RMC1: variants seen among roughly 807,000 people sequenced by gnomAD.
RMC1 encodes regulator of MON1-CCZ1 complex.
RMC1 carries 44 observed loss-of-function variants against 95.5 expected under a neutral mutation model. The observed-to-expected ratio is 0.46, with a 90% CI of 0.36 to 0.59. RMC1 has a LOEUF of 0.59. Among genes scored for constraint, RMC1 ranks in the 20% least tolerant of loss-of-function variants. The pLI, the probability that RMC1 is intolerant of heterozygous loss-of-function variation, is 0.00. For synonymous variants in RMC1, 320 were observed against 303.6 expected (o/e 1.05, Z -0.56); for missense variants, 705 against 819.6 (o/e 0.86, Z 1.71).
At chr18:23,516,727 CT>C (rs35162212) in intron 7 of RMC1, among the ~76,000 whole-genome samples, 38 of 73,918 alleles carry the variant, frequency 5.1e-4, no homozygotes, top group Middle Eastern at 5.0e-3. Flanking sequence ...ATTTCTTCTT[CT>C]TTTTTTTTTT....
intron 4 of RMC1, chr18:23,508,514 G>A (rs2057769310): frequency 6.5e-6 from 1 of 152,672 alleles, no homozygotes. Flanking sequence ...ACATTAATGA[G>A]ATTTGCTGGG....
In RMC1 at chr18:23,503,556, C is replaced by T. The variant is rs1348698737; in HGVS notation, c.-63C>T. 2.4e-6 allele frequency: 3 copies of T among 1,266,898 alleles called. No homozygotes were observed. In the African/African-American group the frequency reaches 4.7e-5, roughly 20 times the overall value. The allele number at this position is 1,266,898 out of a possible 1,614,324, so 78.5% of individuals were successfully genotyped here. ...CGCTACAGTCCGGGCCGGGCTCCAC[C>T]GCGCATCCTGCTCCACTCTGGCGAC... is the stretch of plus-strand genomic sequence containing the variant. On this transcript the variant is annotated 5_prime_UTR_variant, in exon 1 of 20. Transcript: ENST00000269221.
At chr18:23,509,030 CAG>C (rs2057781865) in intron 4 of RMC1, among the ~76,000 whole-genome samples, 161 bp from the exon 5 acceptor site, 1 of 152,098 alleles carries the variant, frequency 6.6e-6, no homozygotes, top group African/African-American at 2.4e-5. Flanking sequence ...GGGCAAAAAT[CAG>C]GGAACATTGT....
rs527584310 is a variant in RMC1 at position 23,503,680 on chromosome 18, A to G, written c.62A>G (p.Asn21Ser). The G allele has an allele frequency of 5.0e-6, 8 of 1,593,596 alleles. No individual in the cohort carries two copies. In the East Asian group the frequency reaches 1.7e-4, roughly 33 times the overall value. Residue 21 changes from asparagine (N) to serine (S), a missense_variant, in exon 1 of 20, where the codon AAC becomes AGC. By Grantham distance (46) the Asn-to-Ser change is conservative. Transcript: ENST00000269221. ...CGGCCGGTGCAGTTCGAGAAGGCGA[A>G]CCCTGTCAACTGCGTCTTCTTCGAT... ...CERPVQFEKA[N>S]PVNCVFFDEA...
chr18:23,515,575 C>G (rs1429905857), intron 5 of RMC1, among the ~76,000 whole-genome samples: 4 of 152,214 alleles, frequency 2.6e-5, no homozygotes, highest in Non-Finnish European at 5.9e-5. Flanking sequence ...GTCACTCACG[C>G]TGGAGTGTGA....
chr18:23,504,251 C>T (rs772778063), intron 1 of RMC1, 120 bp from the exon 2 acceptor site: 377 of 779,334 alleles, frequency 4.8e-4, no homozygotes, highest in Non-Finnish European at 7.6e-4. Context: ...TTGATATGTG[C>T]CGTGTTACTT....
chr18:23,519,035 CTTG>C lies in RMC1; in HGVS notation c.744-30_744-28del, dbSNP rs1331578506. ...TCTGATTTTAAAATGTGAACTGCAG[CTTG>C]TTGATCTGTTTTTTGCTTTCTATCC... On this transcript the variant is annotated intron_variant, in intron 8 of 19. Transcript: ENST00000269221. 5 of 1,612,412 alleles carry C rather than the reference CTTG, an allele frequency of 3.1e-6. No homozygotes were observed. The African/African-American group carries it at 5.3e-5, about 17-fold the overall frequency.
rs149011489 is a variant in RMC1, at chr18:23,520,281, G to A, written c.929G>A (p.Arg310Gln). ...VTFHHPVLPARSIQPYQIPIT... is the reference protein window; with the variant it reads ...VTFHHPVLPAQSIQPYQIPIT... The stretch of plus-strand genomic sequence containing the variant: ...TTCCACCACCCCGTGCTTCCCGCTC[G>A]ATCGATCCAGCCCTATCAGATCCCC... Residue 310 changes from arginine to glutamine, a missense_variant, in exon 10 of 20, where the codon CGA (arginine) becomes CAA (glutamine). Arg to Gln is a conservative substitution (Grantham distance 43, BLOSUM62 1). Transcript: ENST00000269221. The A allele has an allele frequency of 9.1e-5, 147 of 1,614,036 alleles. No homozygotes were observed. The African/African-American group carries it at 1.3e-3, about 15-fold the overall frequency.
intron 19 of RMC1, chr18:23,531,379 T>TA: frequency 1.7e-6 from 1 of 604,024 alleles, no homozygotes; most frequent in Non-Finnish European, 2.5e-6. Context: ...ATGAAACTTC[T>TA]AGGTCTATTT....
Position 23,531,733 on chromosome 18 carries a change from T to C in RMC1, c.*29T>C. 1 of 1,597,452 alleles carries C rather than the reference T, an allele frequency of 6.3e-7. No homozygotes were observed. Among genetic ancestry groups the C allele is most frequent in the East Asian group, 2.2e-5 (1 of 44,782 alleles). On this transcript the variant is annotated 3_prime_UTR_variant, in exon 20 of 20. Coordinates refer to ENST00000269221, the MANE Select transcript of RMC1 (RefSeq NM_013326.5). ...CACTTGCTGTTTTTTTATATAAAAA[T>C]GTGTACAAAGTTAATTTATTGCATT...
chr18:23,516,453 T>G (rs1035895463), intron 7 of RMC1, 30 bp downstream of exon 7: 25 of 1,598,932 alleles, frequency 1.6e-5, no homozygotes, highest in Non-Finnish European at 1.9e-5. Context: ...AATTCCATCC[T>G]GTGATTGCTT....
Position 23,507,064 on chromosome 18 carries a change from A to G in RMC1, c.264+10A>G. 1 of 1,553,040 alleles carries G rather than the reference A, an allele frequency of 6.4e-7. No homozygotes were observed. ...GACCTCAAAGACTGTGGTAAGACTT[A>G]TCTTTAAAATACAGCATTAAAGGGC... On this transcript the variant is annotated intron_variant, in intron 3 of 19. Transcript: ENST00000269221.
intron 5 of RMC1, among the ~76,000 whole-genome samples, 193 bp from the exon 6 acceptor site, chr18:23,515,663 G>T (rs970230835): frequency 6.6e-6 from 1 of 152,164 alleles, no homozygotes; most frequent in Non-Finnish European, 1.5e-5. Context: ...CTTCTGAGTA[G>T]CTGGAATTAC....
chr18:23,529,388 A>G, intron 15 of RMC1, 90 bp downstream of exon 15: 1 of 1,501,132 alleles, frequency 6.7e-7, no homozygotes, highest in Non-Finnish European at 8.8e-7. Flanking sequence ...GATTAGAGTC[A>G]CTTGAAGTGA....
At position 23,527,731 on chromosome 18, in the gene RMC1, T is replaced by G; in HGVS notation, c.1190-64T>G. The G allele has an allele frequency of 1.6e-6, 2 of 1,283,500 alleles. 1 individual carries two copies. The highest frequency in any genetic ancestry group is 2.4e-5 in the South Asian group (2 of 84,366). The allele number at this position is 1,283,500 out of a possible 1,614,324, so 79.5% of individuals were successfully genotyped here. ...GAGATTAGTTTTTATCATAGCAACG[T>G]GTGGAAATTCTGAAGCTGACATGAA... On this transcript the variant is annotated intron_variant, in intron 13 of 19. Transcript: ENST00000269221.
intron 5 of RMC1, 79 bp from the exon 6 acceptor site, chr18:23,515,777 C>T (rs2057986443): frequency 1.9e-6 from 3 of 1,560,112 alleles, no homozygotes; most frequent in Non-Finnish European, 2.6e-6. Context: ...AGGTGATCCG[C>T]CCACCTTAGC....
chr18:23,512,678 T>C (rs1397824763), intron 5 of RMC1, among the ~76,000 whole-genome samples: 1 of 152,024 alleles, frequency 6.6e-6, no homozygotes, highest in Non-Finnish European at 1.5e-5. Context: ...GCCATTCTTC[T>C]GCCTTGGCCT....
At chr18:23,531,156 GATTTTTGT>G in intron 19 of RMC1, among the ~76,000 whole-genome samples, 1 of 151,974 alleles carries the variant, frequency 6.6e-6, no homozygotes, top group Non-Finnish European at 1.5e-5. Flanking sequence ...ACACCCGGCT[GATTTTTGT>G]ATTTTTAGTA....
intron 7 of RMC1, among the ~76,000 whole-genome samples, chr18:23,517,423 C>T (rs2058037394): frequency 1.3e-5 from 2 of 152,140 alleles, no homozygotes; most frequent in African/African-American, 2.4e-5. Context: ...GTTGGGATTA[C>T]AGGCGTGAGC....
Sources: gnomAD v4.1 joint callset for allele counts (sites outside exome capture counted in the v4.1 genomes callset) on GRCh38, gnomAD v4.1.1 for gene constraint, MANE v1.5 for transcripts, NCBI Gene and HGNC (gene_info 2026-07-23, HGNC 2026-07-21) for gene names.